Variants in CLSTN2 observed in about 807,000 individuals in gnomAD.
CLSTN2 encodes the protein calsyntenin 2, also known as calsyntenin-2.
CLSTN2 carries 48 observed loss-of-function variants against 101.2 expected under a neutral mutation model. The ratio of observed to expected loss-of-function variants is 0.47; its 90% CI spans 0.38 to 0.60. CLSTN2 has a LOEUF of 0.60. Ranked by LOEUF, CLSTN2 falls within the 20% of genes least tolerant of loss-of-function variation. The pLI, the probability that CLSTN2 is intolerant of heterozygous loss-of-function variation, is 0.00. For missense variants in CLSTN2, 1,160 were observed against 1,238.2 expected, an observed-to-expected ratio of 0.94 and a Z score of 0.95; for synonymous variants, 481 against 463.6, an observed-to-expected ratio of 1.04 and a Z score of -0.48.
chr3:139,994,868 A>G (rs1461573292), intron 1 of CLSTN2, among the ~76,000 whole-genome samples: 1 of 152,204 alleles, frequency 6.6e-6, no homozygotes, highest in Admixed American at 6.5e-5. Context: ...AGGAGTTTAC[A>G]AGAGAAAGAT....
chr3:139,939,986 C>G (rs772928754), intron 1 of CLSTN2, among the ~76,000 whole-genome samples: 5 of 152,190 alleles, frequency 3.3e-5, no homozygotes, highest in Non-Finnish European at 5.9e-5. Flanking sequence ...CCAATTTTCA[C>G]TGTTACTCAA....
chr3:140,399,066 T>C, intron 2 of CLSTN2, among the ~76,000 whole-genome samples: 1 of 152,246 alleles, frequency 6.6e-6, no homozygotes, highest in East Asian at 1.9e-4. Context: ...GGCCTGGTGC[T>C]GCTGGCCTCC....
At chr3:140,105,365 C>T (rs1240805740) in intron 1 of CLSTN2, among the ~76,000 whole-genome samples, 1 of 152,180 alleles carries the variant, frequency 6.6e-6, no homozygotes, top group Non-Finnish European at 1.5e-5. Context: ...CTTAAAACAG[C>T]CATAAACTCT....
chr3:140,112,268 G>T (rs183104361), intron 1 of CLSTN2, among the ~76,000 whole-genome samples: 48 of 152,216 alleles, frequency 3.2e-4, no homozygotes, highest in African/African-American at 9.6e-4. Flanking sequence ...GCGATTTCAG[G>T]AACACCATTA....
intron 2 of CLSTN2, among the ~76,000 whole-genome samples, chr3:140,311,680 A>G (rs960994565): frequency 6.6e-6 from 1 of 152,070 alleles, no homozygotes; most frequent in African/African-American, 2.4e-5. Context: ...AATCATCATG[A>G]CAACACCATG....
chr3:140,575,362 A>G lies in CLSTN2; in HGVS notation c.*9109A>G, dbSNP rs1269876394. The stretch of plus-strand genomic sequence containing the variant: ...CCAAAGCATTGCTCTGTATCTAAAG[A>G]TGCATCCAAGTTTGCAAAAAATTAT... On this transcript the variant is annotated 3_prime_UTR_variant, in exon 17 of 17. Transcript: ENST00000458420. 6.6e-6 allele frequency: 1 copy of G among 152,168 alleles called. No individual in the cohort carries two copies. Among genetic ancestry groups the G allele is most frequent in the Non-Finnish European group, 1.5e-5 (1 of 68,042 alleles). 9.4% of individuals were successfully genotyped at this position (152,168 alleles called of 1,614,324 possible). A position where few individuals can be genotyped will look rare whatever the true frequency, so the allele number is the denominator to read the frequency against.
At chr3:140,287,261 G>GA (rs1478488794) in intron 2 of CLSTN2, among the ~76,000 whole-genome samples, 5 of 152,262 alleles carry the variant, frequency 3.3e-5, no homozygotes, top group Admixed American at 6.5e-5. Flanking sequence ...CTGAGTGAAA[G>GA]AAGCCAGGCC....
At chr3:140,312,025 T>G (rs2087174026) in intron 2 of CLSTN2, among the ~76,000 whole-genome samples, 2 of 152,254 alleles carry the variant, frequency 1.3e-5, no homozygotes, top group South Asian at 4.1e-4. Context: ...TGGTTCTGTT[T>G]TCTGCAGTTC....
In CLSTN2 at chr3:140,359,974, CACAT is replaced by C. The variant is rs543438456; in HGVS notation, c.233-43645_233-43642del. On this transcript the variant is annotated intron_variant, in intron 2 of 16. Transcript: ENST00000458420. Reference sequence around the variant, plus strand: ...TGTATTTATATGTAATATATATACACACATACATACATATTTTATACACACACAC... The same window carrying C: ...TGTATTTATATGTAATATATATACACACATACATATTTTATACACACACAC... 6.2e-5 allele frequency among the ~76,000 whole-genome samples: 9 copies of C among 145,368 alleles called. No homozygotes were observed. The South Asian group carries it at 1.8e-3, about 29-fold the overall frequency.
At chr3:140,285,999 G>A (rs963864548) in intron 2 of CLSTN2, among the ~76,000 whole-genome samples, 4 of 152,166 alleles carry the variant, frequency 2.6e-5, no homozygotes, top group African/African-American at 9.7e-5. Flanking sequence ...GGGTGTTTGT[G>A]ACAATGCAGG....
At chr3:140,447,283 G>C (rs6810310) in intron 5 of CLSTN2, among the ~76,000 whole-genome samples, 76,622 of 152,142 alleles carry the variant, frequency 0.5, 22,081 homozygotes, top group African/African-American at 0.79. Context: ...TGCTTGATGA[G>C]TCAGAATCAC....
rs376301374 is a variant in CLSTN2, at chr3:140,126,545, T to G, written c.110-49406T>G. 1.7e-4 allele frequency among the ~76,000 whole-genome samples: 26 copies of G among 152,006 alleles called. No homozygotes were observed. The East Asian group carries it at 2.5e-3, about 15-fold the overall frequency. ...CCAAAGCTGAGACCGAGGCTAGAGG[T>G]GAATTTGATTTGATATTCTCCAAAT... is the stretch of plus-strand genomic sequence containing the variant. On this transcript the variant is annotated intron_variant, in intron 1 of 16. Coordinates refer to ENST00000458420, the MANE Select transcript of CLSTN2 (RefSeq NM_022131.3).
In CLSTN2 at chr3:140,556,238, G is replaced by C. The variant is rs374648229; in HGVS notation, c.1675-275G>C. Among the ~76,000 whole-genome samples, 8 of 152,264 alleles carry C rather than the reference G, an allele frequency of 5.3e-5. No individual in the cohort carries two copies. The East Asian group carries it at 1.5e-3, about 29-fold the overall frequency. On this transcript the variant is annotated intron_variant, in intron 10 of 16. Transcript: ENST00000458420. ...GCTGGGCTGTGAGAGCACCGTGGCT[G>C]GGTTTTCAATATTCCTTCCTGTGGC...
intron 1 of CLSTN2, among the ~76,000 whole-genome samples, chr3:140,137,213 C>T (rs1036907848): frequency 6.6e-6 from 1 of 152,048 alleles, no homozygotes; most frequent in Non-Finnish European, 1.5e-5. Flanking sequence ...GGCTCAGGAT[C>T]CCAATGATAC....
At chr3:140,374,295 C>T (rs10212140) in intron 2 of CLSTN2, among the ~76,000 whole-genome samples, 145,355 of 152,188 alleles carry the variant, frequency 0.96, 69,767 homozygotes, top group East Asian at 1. Context: ...CCCATCTCCT[C>T]CTCCTTTTTT....
chr3:140,356,486 G>A (rs982311252), intron 2 of CLSTN2, among the ~76,000 whole-genome samples: 53 of 152,080 alleles, frequency 3.5e-4, no homozygotes, highest in African/African-American at 1.2e-3. Context: ...AGGGCTGGGC[G>A]CGGTGGCTCA....
At chr3:140,096,237 G>T (rs775557450) in intron 1 of CLSTN2, among the ~76,000 whole-genome samples, 1 of 152,098 alleles carries the variant, frequency 6.6e-6, no homozygotes, top group Non-Finnish European at 1.5e-5. Flanking sequence ...ACAGCAGAGG[G>T]CATAACTAAT....
chr3:140,494,049 T>C (rs1327155656), intron 8 of CLSTN2, among the ~76,000 whole-genome samples: 2 of 152,236 alleles, frequency 1.3e-5, no homozygotes, highest in Non-Finnish European at 2.9e-5. Context: ...GAAAAAAATC[T>C]GTTTTTCTTT....
chr3:140,386,250 T>C (rs1054721788), intron 2 of CLSTN2, among the ~76,000 whole-genome samples: 2 of 152,202 alleles, frequency 1.3e-5, no homozygotes, highest in African/African-American at 4.8e-5. Context: ...GTCACAAAGA[T>C]AGAAATGCTG....
Sources: gnomAD v4.1 joint callset for allele counts (sites outside exome capture counted in the v4.1 genomes callset) on GRCh38, gnomAD v4.1.1 for gene constraint, MANE v1.5 for transcripts, NCBI Gene and HGNC (gene_info 2026-07-23, HGNC 2026-07-21) for gene names.